Variants in TMPRSS9 observed in about 807,000 individuals in gnomAD.
TMPRSS9 encodes the protein transmembrane serine protease 9.
Under a neutral mutation model 111.4 loss-of-function variants are expected in TMPRSS9, and 113 were observed. That is an observed-to-expected ratio of 1.01 (90% CI 0.87 to 1.19). The LOEUF (loss-of-function observed/expected upper bound fraction) is 1.19, where lower values mean the gene tolerates loss of function less well. TMPRSS9 is among the 50% of genes most tolerant of loss of function. The pLI, the probability that TMPRSS9 is intolerant of heterozygous loss-of-function variation, is 0.00. For synonymous variants in TMPRSS9, 805 were observed against 659.1 expected (o/e 1.22, Z -3.39); for missense variants, 1,803 against 1,513.1 (o/e 1.19, Z -3.18).
chr19:2,387,575 G>A (rs1343754414), upstream of TMPRSS9, among the ~76,000 whole-genome samples: 1 of 151,564 alleles, frequency 6.6e-6, no homozygotes, highest in Non-Finnish European at 1.5e-5. Flanking sequence ...AGGGAGAAAG[G>A]GAAGGGAAGG....
chr19:2,421,745 C>T, intron 13 of TMPRSS9, 109 bp from the exon 15 acceptor site: 4 of 1,279,568 alleles, frequency 3.1e-6, no homozygotes, highest in Non-Finnish European at 4.3e-6. Context: ...TGCCCTCTGC[C>T]CCCCGCCCTC....
At chr19:2,401,792 G>C (rs1448833010) in intron 4 of TMPRSS9, among the ~76,000 whole-genome samples, 183 bp from the exon 6 acceptor site, 2 of 151,378 alleles carry the variant, frequency 1.3e-5, no homozygotes. Context: ...ATTTTTAGTA[G>C]AGACAGGGTT....
chr19:2,377,242 ACTGT>A (rs1170577199), intron 1 of TMPRSS9, among the ~76,000 whole-genome samples: 1 of 107,870 alleles, frequency 9.3e-6, no homozygotes, highest in Non-Finnish European at 1.9e-5. Context: ...TTCTTTTTTT[ACTGT>A]ATGTATGTAT....
intron 8 of TMPRSS9, among the ~76,000 whole-genome samples, chr19:2,409,963 A>T (rs1375347867): frequency 6.6e-6 from 1 of 151,966 alleles, no homozygotes; most frequent in Non-Finnish European, 1.5e-5. Flanking sequence ...ACCTGGAATG[A>T]GGGGCCTGAG....
At chr19:2,417,976 G>C in intron 12 of TMPRSS9, 26 bp from the exon 14 acceptor site, 1 of 1,611,160 alleles carries the variant, frequency 6.2e-7, no homozygotes, top group Non-Finnish European at 8.5e-7. Context: ...CTGTGCACGT[G>C]GCCTTTCTGG....
chr19:2,394,211 G>A (rs1433311907), intron 1 of TMPRSS9, among the ~76,000 whole-genome samples: 1 of 127,192 alleles, frequency 7.9e-6, no homozygotes, highest in Non-Finnish European at 1.6e-5. Flanking sequence ...CAAGAAAAGA[G>A]AAGGAAAGAG....
intron 1 of TMPRSS9, among the ~76,000 whole-genome samples, chr19:2,368,325 C>CAA (rs78477170): frequency 8.8e-5 from 10 of 113,360 alleles, no homozygotes; most frequent in Non-Finnish European, 1.3e-4. Flanking sequence ...TTTGAGAGAC[C>CAA]AAAAAAAAAA....
intron 1 of TMPRSS9, among the ~76,000 whole-genome samples, chr19:2,365,620 AC>A (rs57862739): frequency 0.16 from 22,896 of 146,780 alleles, 2,146 homozygotes; most frequent in African/African-American, 0.28. Flanking sequence ...AAACAAACAA[AC>A]AAAAAAAACA....
chr19:2,424,242 C>T (rs771150218), exon 15 of TMPRSS9: 17 of 1,397,926 alleles, frequency 1.2e-5, no homozygotes, highest in Non-Finnish European at 1.6e-5. Context: ...CTGTCGGCGG[C>T]GCACTGCTTC....
At chr19:2,399,138 G>A (rs767828658) in exon 4 of TMPRSS9, 2 of 1,613,274 alleles carry the variant, frequency 1.2e-6, no homozygotes, top group Non-Finnish European at 1.7e-6. Flanking sequence ...CAAGGCTGCG[G>A]GAGCACGGCA....
exon 1 of TMPRSS9, chr19:2,389,767 G>A (rs1293701459): frequency 1.2e-6 from 2 of 1,605,458 alleles, no homozygotes; most frequent in South Asian, 2.2e-5. Flanking sequence ...CCAGCTCGCT[G>A]TCTGCGTGTC....
At chr19:2,362,045 A>G (rs933852626) in intron 1 of TMPRSS9, among the ~76,000 whole-genome samples, 1 of 151,626 alleles carries the variant, frequency 6.6e-6, no homozygotes, top group African/African-American at 2.4e-5. Context: ...GGCAATATAT[A>G]TAATTGTGTC....
chr19:2,400,038 A>T (rs1241023490), intron 4 of TMPRSS9, among the ~76,000 whole-genome samples: 1 of 152,054 alleles, frequency 6.6e-6, no homozygotes, highest in Non-Finnish European at 1.5e-5. Flanking sequence ...TAATATTTTC[A>T]TCTTTGTGGT....
intron 7 of TMPRSS9, among the ~76,000 whole-genome samples, chr19:2,406,230 G>A (rs1013980901): frequency 2.0e-5 from 3 of 150,700 alleles, no homozygotes; most frequent in African/African-American, 7.3e-5. Flanking sequence ...ATGTTAGTCA[G>A]GATGGTCTCG....
rs1438006433 is a variant in TMPRSS9 at position 2,404,003 on chromosome 19, A to G, written c.670+808A>G. Among the ~76,000 whole-genome samples the G allele has an allele frequency of 8.6e-5, 13 of 150,772 alleles. No homozygotes were observed. In the East Asian group the frequency reaches 1.6e-3, roughly 18 times the overall value. Reference sequence around the variant, plus strand: ...CGAGACTCTGTCTCAAAAAAAAAAAAAAAAAAGAAAAAAAAATTAGCCAGC... The same window carrying G: ...CGAGACTCTGTCTCAAAAAAAAAAAGAAAAAAGAAAAAAAAATTAGCCAGC... On this transcript the variant is annotated intron_variant, in intron 6 of 17. Transcript: ENST00000648592.
rs777724935 is a variant in TMPRSS9, at chr19:2,402,007, T to C, written c.547T>C (p.Phe183Leu). 1.2e-5 allele frequency: 20 copies of C among 1,611,544 alleles called. No homozygotes were observed. In the South Asian group the frequency reaches 2.2e-4, roughly 18 times the overall value. ...TAAGGGACCCTTGGCAGAAAGAGAC[T>C]TCAAATCAGGTATGTTTTTCTCTCT... Residue 183 changes from phenylalanine to leucine, a missense_variant, in exon 5 of 18, where the codon TTC (phenylalanine) becomes CTC (leucine). Physicochemically the swap from Phe to Leu is conservative, Grantham distance 22 (BLOSUM62 0). Transcript: ENST00000648592.
At chr19:2,412,709 G>A (rs2145365852) in intron 9 of TMPRSS9, among the ~76,000 whole-genome samples, 1 of 152,156 alleles carries the variant, frequency 6.6e-6, no homozygotes, top group Non-Finnish European at 1.5e-5. Flanking sequence ...CCACAACCAG[G>A]GATCTCTCCT....
intron 13 of TMPRSS9, among the ~76,000 whole-genome samples, chr19:2,421,567 G>T (rs1267882961): frequency 6.6e-6 from 1 of 152,038 alleles, no homozygotes; most frequent in African/African-American, 2.4e-5. Context: ...GATTACAGGC[G>T]TGAGCCACCA....
chr19:2,415,039 G>A (rs34079675), intron 10 of TMPRSS9, among the ~76,000 whole-genome samples: 20,101 of 145,302 alleles, frequency 0.14, 1,721 homozygotes, highest in Middle Eastern at 0.2. Flanking sequence ...TCCACCTCCC[G>A]GTTCAAGTGA....
Sources: gnomAD v4.1 joint callset for allele counts (sites outside exome capture counted in the v4.1 genomes callset) on GRCh38, gnomAD v4.1.1 for gene constraint, MANE v1.5 for transcripts, NCBI Gene and HGNC (gene_info 2026-07-23, HGNC 2026-07-21) for gene names.